TNR: variants seen among roughly 807,000 people sequenced by gnomAD.
TNR encodes the protein tenascin R.
TNR carries 45 observed loss-of-function variants against 150.4 expected under a neutral mutation model. That is an observed-to-expected ratio of 0.30 (90% confidence interval 0.24 to 0.38). The LOEUF (loss-of-function observed/expected upper bound fraction) is 0.38. Among genes scored for constraint, TNR ranks in the 10% least tolerant of loss-of-function variants. TNR has a pLI of 1.00. For synonymous variants in TNR, 687 were observed against 678.4 expected (o/e 1.01, Z -0.20); for missense variants, 1,544 against 1,759.1 (o/e 0.88, Z 2.19).
At chr1:175,586,548 T>C (rs759451654) in intron 1 of TNR, among the ~76,000 whole-genome samples, 2 of 152,122 alleles carry the variant, frequency 1.3e-5, no homozygotes, top group African/African-American at 2.4e-5. Context: ...TCAGGTTATC[T>C]GCCCACCTCA....
chr1:175,399,704 C>T (rs1326314446), intron 4 of TNR, among the ~76,000 whole-genome samples: 1 of 152,162 alleles, frequency 6.6e-6, no homozygotes, highest in African/African-American at 2.4e-5. Flanking sequence ...GCAAAGTATT[C>T]TTAGCCTTAC....
intron 8 of TNR, among the ~76,000 whole-genome samples, chr1:175,381,713 T>G (rs1652688164): frequency 6.6e-6 from 1 of 152,210 alleles, no homozygotes; most frequent in Non-Finnish European, 1.5e-5. Flanking sequence ...GACTTGAGAC[T>G]ATGGAATAGA....
intron 1 of TNR, among the ~76,000 whole-genome samples, chr1:175,716,849 C>T (rs1005314188): frequency 7.2e-5 from 11 of 152,324 alleles, no homozygotes; most frequent in African/African-American, 2.2e-4. Flanking sequence ...AACTTCTGTC[C>T]ACATCGTCCT....
intron 2 of TNR, among the ~76,000 whole-genome samples, chr1:175,472,581 A>G (rs899962800): frequency 9.9e-5 from 15 of 152,244 alleles, no homozygotes; most frequent in Admixed American, 9.2e-4. Flanking sequence ...CTACTACGTC[A>G]CTAGAGGATA....
chr1:175,432,762 G>A (rs992485284), intron 2 of TNR, among the ~76,000 whole-genome samples: 3 of 152,066 alleles, frequency 2.0e-5, no homozygotes, highest in Admixed American at 1.3e-4. Context: ...AAATGGAGCC[G>A]AGACTGCTGG....
At chr1:175,428,341 G>A (rs1655106988) in intron 2 of TNR, among the ~76,000 whole-genome samples, 1 of 152,166 alleles carries the variant, frequency 6.6e-6, no homozygotes, top group African/African-American at 2.4e-5. Context: ...TACTCATGGC[G>A]TAAATCTGGT....
chr1:175,439,410 A>G (rs1655676330), intron 2 of TNR, among the ~76,000 whole-genome samples: 1 of 151,820 alleles, frequency 6.6e-6, no homozygotes, highest in African/African-American at 2.4e-5. Flanking sequence ...TAGACCTAAA[A>G]CCATAAAAAC....
intron 1 of TNR, among the ~76,000 whole-genome samples, chr1:175,660,093 A>G (rs1315774271): frequency 6.6e-6 from 1 of 152,110 alleles, no homozygotes; most frequent in African/African-American, 2.4e-5. Context: ...GAATACAGTG[A>G]CTTCAAAGCA....
At chr1:175,435,278 T>C (rs1255162957) in intron 2 of TNR, among the ~76,000 whole-genome samples, 4 of 152,204 alleles carry the variant, frequency 2.6e-5, no homozygotes, top group Non-Finnish European at 4.4e-5. Flanking sequence ...GGTCAGATTC[T>C]AGATACATTT....
intron 1 of TNR, among the ~76,000 whole-genome samples, chr1:175,622,482 C>T (rs371822156): frequency 3.3e-5 from 5 of 152,296 alleles, no homozygotes; most frequent in African/African-American, 7.2e-5. Context: ...GGCTTTCTTC[C>T]GCAGGCATTT....
rs915694214 is a variant in TNR, at chr1:175,605,777, G to A, written c.-164-77408C>T. 9.2e-5 allele frequency among the ~76,000 whole-genome samples: 14 copies of A among 151,780 alleles called. No individual in the cohort carries two copies. The East Asian group carries it at 1.7e-3, about 19-fold the overall frequency. On this transcript the variant is annotated intron_variant, in intron 1 of 22. Transcript: ENST00000367674. ...TCTTTACTGCTCTAAGGAATTGCTG[G>A]TCATCTCATCTGCCCAGCCAGCAAG...
At chr1:175,624,072 G>T (rs994882070) in intron 1 of TNR, among the ~76,000 whole-genome samples, 2 of 152,198 alleles carry the variant, frequency 1.3e-5, no homozygotes, top group African/African-American at 2.4e-5. Context: ...GGATTAATCT[G>T]GTCCTCAGGC....
At chr1:175,595,172 A>C (rs1662960571) in intron 1 of TNR, among the ~76,000 whole-genome samples, 1 of 152,188 alleles carries the variant, frequency 6.6e-6, no homozygotes, top group Non-Finnish European at 1.5e-5. Context: ...ATCTCAAAAA[A>C]AAATTATTTT....
rs1648915414 is a variant in TNR, at chr1:175,318,940, T to C, written c.*4417A>G. The C allele has an allele frequency of 6.6e-6, 1 of 152,260 alleles. No individual in the cohort carries two copies. 9.4% of individuals were successfully genotyped at this position (152,260 alleles called of 1,614,324 possible). ...AATTATCCCAACTTCTTTGGGATTATTGAAACTGAACTGAATTTTGAATCT... is the reference window on the plus strand; with the variant it reads ...AATTATCCCAACTTCTTTGGGATTACTGAAACTGAACTGAATTTTGAATCT... On this transcript the variant is annotated 3_prime_UTR_variant, in exon 23 of 23. Coordinates refer to ENST00000367674, the MANE Select transcript of TNR (RefSeq NM_003285.3).
intron 1 of TNR, among the ~76,000 whole-genome samples, chr1:175,562,792 G>C (rs1352861062): frequency 6.6e-6 from 1 of 152,220 alleles, no homozygotes; most frequent in Admixed American, 6.5e-5. Flanking sequence ...TTTAGCTGCT[G>C]TCATGAGCAG....
At chr1:175,565,343 G>A (rs1027503468) in intron 1 of TNR, among the ~76,000 whole-genome samples, 1 of 152,142 alleles carries the variant, frequency 6.6e-6, no homozygotes, top group East Asian at 1.9e-4. Context: ...ATCTACAAAC[G>A]AGGTCAGACA....
rs973330484 is a variant in TNR at position 175,553,086 on chromosome 1, A to T, written c.-164-24717T>A. 2.6e-5 allele frequency among the ~76,000 whole-genome samples: 4 copies of T among 152,298 alleles called. No homozygotes were observed. The South Asian group carries it at 8.3e-4, about 32-fold the overall frequency. On this transcript the variant is annotated intron_variant, in intron 1 of 22. Coordinates refer to ENST00000367674, the MANE Select transcript of TNR (RefSeq NM_003285.3). ...ACAGGGGCTCTGGCACATGAAATAC[A>T]TCACTGAAGATAGATTTCACATCAT...
chr1:175,435,335 T>C (rs1655454609), intron 2 of TNR, among the ~76,000 whole-genome samples: 1 of 152,108 alleles, frequency 6.6e-6, no homozygotes, highest in African/African-American at 2.4e-5. Flanking sequence ...TGATAGTTGG[T>C]GAGAGAAAGA....
intron 2 of TNR, among the ~76,000 whole-genome samples, chr1:175,414,504 C>T (rs530035534): frequency 2.6e-4 from 40 of 152,342 alleles, no homozygotes; most frequent in African/African-American, 9.6e-4. Context: ...TAGATTGATA[C>T]TCAAGAGATC....
Sources: gnomAD v4.1 joint callset for allele counts (sites outside exome capture counted in the v4.1 genomes callset) on GRCh38, gnomAD v4.1.1 for gene constraint, MANE v1.5 for transcripts, NCBI Gene and HGNC (gene_info 2026-07-23, HGNC 2026-07-21) for gene names.